TTC27: variants seen among roughly 807,000 people sequenced by gnomAD.
TTC27 encodes tetratricopeptide repeat protein 27.
A neutral mutation model predicts 115.9 loss-of-function variants in TTC27; 79 were observed. That is an observed-to-expected ratio of 0.68 (90% CI 0.57 to 0.82). The LOEUF (loss-of-function observed/expected upper bound fraction) is 0.82. TTC27 is among the 40% of genes least tolerant of loss of function. TTC27 has a pLI of 0.00. For synonymous variants in TTC27, 401 were observed against 356.0 expected, an observed-to-expected ratio of 1.13 and a Z score of -1.42; for missense variants, 1,054 against 993.1, an observed-to-expected ratio of 1.06 and a Z score of -0.82.
intron 3 of TTC27, among the ~76,000 whole-genome samples, chr2:32,634,951 C>T (rs1664357004): frequency 6.6e-6 from 1 of 152,166 alleles, no homozygotes; most frequent in African/African-American, 2.4e-5. Context: ...GCCACCATTC[C>T]CGGCTTGCAG....
intron 16 of TTC27, among the ~76,000 whole-genome samples, 184 bp downstream of exon 16, chr2:32,787,333 A>T (rs988779531): frequency 2.0e-5 from 3 of 152,152 alleles, no homozygotes; most frequent in Non-Finnish European, 4.4e-5. Flanking sequence ...TCTAATGTCA[A>T]ATTTGTTTGT....
intron 8 of TTC27, among the ~76,000 whole-genome samples, chr2:32,678,085 A>G (rs1302304591): frequency 6.6e-6 from 1 of 152,042 alleles, no homozygotes; most frequent in Non-Finnish European, 1.5e-5. Context: ...GTGAAACTCC[A>G]TTTCTACAAA....
intron 4 of TTC27, among the ~76,000 whole-genome samples, chr2:32,645,799 C>A (rs1249163390): frequency 6.6e-6 from 1 of 151,810 alleles, no homozygotes; most frequent in African/African-American, 2.4e-5. Context: ...TCAGTGCAAC[C>A]TCCGCCTCCC....
intron 9 of TTC27, among the ~76,000 whole-genome samples, chr2:32,685,506 A>G (rs1192022758): frequency 2.0e-5 from 3 of 152,206 alleles, no homozygotes; most frequent in Admixed American, 6.5e-5. Context: ...GATAAAATAT[A>G]TGAAACAGTA....
intron 12 of TTC27, among the ~76,000 whole-genome samples, chr2:32,753,479 C>T (rs1052081019): frequency 2.4e-5 from 3 of 123,002 alleles, no homozygotes; most frequent in Non-Finnish European, 3.2e-5. Context: ...TCTCTGTCAC[C>T]CAGGCTGGAG....
intron 10 of TTC27, among the ~76,000 whole-genome samples, chr2:32,716,528 A>G (rs1667756902): frequency 6.6e-6 from 1 of 151,996 alleles, no homozygotes; most frequent in African/African-American, 2.4e-5. Flanking sequence ...CTGTCTCTTG[A>G]TTTGTCAACT....
At chr2:32,789,944 AAAGAG>A (rs1202314463) in intron 16 of TTC27, among the ~76,000 whole-genome samples, 1,563 of 142,938 alleles carry the variant, frequency 0.011, 61 homozygotes, top group East Asian at 0.015. Flanking sequence ...AAAAAAAAAA[AAAGAG>A]AAGTCTTTCA....
intron 16 of TTC27, among the ~76,000 whole-genome samples, chr2:32,809,317 A>G (rs897824801): frequency 5.3e-5 from 8 of 152,210 alleles, no homozygotes; most frequent in African/African-American, 1.9e-4. Context: ...AGTCAGTGCA[A>G]TTGCAATATG....
intron 5 of TTC27, among the ~76,000 whole-genome samples, chr2:32,652,534 T>A (rs1665167802): frequency 6.6e-6 from 1 of 151,770 alleles, no homozygotes; most frequent in Admixed American, 6.6e-5. Context: ...CCCAAAGAGG[T>A]CTCAGTTCTT....
At chr2:32,767,398 A>T (rs940381910) in intron 13 of TTC27, among the ~76,000 whole-genome samples, 1 of 151,748 alleles carries the variant, frequency 6.6e-6, no homozygotes, top group African/African-American at 2.4e-5. Context: ...GTTGAAGAAA[A>T]GTACCCTAAA....
In TTC27 at chr2:32,801,847, T is replaced by C. The variant is rs2148036940; in HGVS notation, c.1999-9177T>C. ...GAACATCTGGAAGTGACGAAAGAGCTGATGAGACTAGGAAGGGAGTTGATG... is the reference window on the plus strand; with the variant it reads ...GAACATCTGGAAGTGACGAAAGAGCCGATGAGACTAGGAAGGGAGTTGATG... On this transcript the variant is annotated intron_variant, in intron 16 of 19. Transcript: ENST00000317907. Among the ~76,000 whole-genome samples the C allele has an allele frequency of 1.3e-5, 2 of 152,292 alleles. 1 individual carries two copies. Among genetic ancestry groups the C allele is most frequent in the South Asian group, 4.1e-4 (2 of 4,828 alleles).
intron 13 of TTC27, among the ~76,000 whole-genome samples, chr2:32,777,340 A>G (rs1572603852): frequency 6.6e-6 from 1 of 152,268 alleles, no homozygotes; most frequent in Admixed American, 6.5e-5. Flanking sequence ...CCCCAACCCC[A>G]ATACCAAAAT....
chr2:32,662,171 G>A (rs1399090561), intron 5 of TTC27, among the ~76,000 whole-genome samples: 1 of 152,124 alleles, frequency 6.6e-6, no homozygotes, highest in Non-Finnish European at 1.5e-5. Flanking sequence ...CAGTTTGCCA[G>A]TATTTTATTG....
chr2:32,767,499 C>T (rs371416909), intron 13 of TTC27, among the ~76,000 whole-genome samples: 21 of 131,200 alleles, frequency 1.6e-4, no homozygotes, highest in South Asian at 1.0e-3. Flanking sequence ...GTCTCCCAGG[C>T]CAAGGACTGC....
chr2:32,797,343 C>T lies in TTC27; in HGVS notation c.1998+10194C>T, dbSNP rs1294965475. Among the ~76,000 whole-genome samples the T allele has an allele frequency of 2.7e-5, 4 of 149,462 alleles. No homozygotes were observed. The East Asian group carries it at 7.7e-4, about 29-fold the overall frequency. ...CACAGGAGCATGCCACCACATCTAA[C>T]AATTTTTTTTTTCCTGTGGAGACAG... On this transcript the variant is annotated intron_variant, in intron 16 of 19. Coordinates refer to ENST00000317907, the MANE Select transcript of TTC27 (RefSeq NM_017735.5).
intron 12 of TTC27, among the ~76,000 whole-genome samples, chr2:32,750,005 C>G (rs1024099222): frequency 6.6e-6 from 1 of 152,130 alleles, no homozygotes; most frequent in Middle Eastern, 3.2e-3. Context: ...GGAGTTGAAT[C>G]TTAACACAAA....
chr2:32,696,895 A>G (rs1208739137), intron 9 of TTC27, among the ~76,000 whole-genome samples: 1 of 152,148 alleles, frequency 6.6e-6, no homozygotes, highest in African/African-American at 2.4e-5. Context: ...TTTGTTTTCC[A>G]CTCAGAGAAT....
chr2:32,628,134 G>GT lies in TTC27; in HGVS notation c.-158dup, dbSNP rs1428755131. 1.5e-6 allele frequency: 1 copy of GT among 664,232 alleles called. No homozygotes were observed. The highest frequency in any genetic ancestry group is 1.9e-5 in the African/African-American group (1 of 53,818). The allele number at this position is 664,232 out of a possible 1,614,324, so 41.1% of individuals were successfully genotyped here. A position where few individuals can be genotyped will look rare whatever the true frequency, so the allele number is the denominator to read the frequency against. ...CTGCTGTTATGGCCGCCTCCTTGAGGTAGTATCCGCACATGGAATTCTAGG... is the reference window on the plus strand; with the variant it reads ...CTGCTGTTATGGCCGCCTCCTTGAGGTTAGTATCCGCACATGGAATTCTAGG... On this transcript the variant is annotated 5_prime_UTR_variant, in exon 1 of 20. It removes the in-frame stop codon of an upstream open reading frame in the 5' UTR. Coordinates refer to ENST00000317907, the MANE Select transcript of TTC27 (RefSeq NM_017735.5).
At chr2:32,678,765 T>C in intron 8 of TTC27, 91 bp from the exon 9 acceptor site, 3 of 883,362 alleles carry the variant, frequency 3.4e-6, no homozygotes, top group Non-Finnish European at 5.3e-6. Context: ...ATATATAAAA[T>C]ATAGCAGTTT....
Sources: allele counts gnomAD v4.1 joint callset (sites outside exome capture counted in the v4.1 genomes callset), GRCh38; gene constraint gnomAD v4.1.1; transcripts MANE v1.5; gene names NCBI Gene and HGNC (gene_info 2026-07-23, HGNC 2026-07-21).